Variants in SDHAF4 observed in about 807,000 individuals in gnomAD.
SDHAF4 encodes the protein succinate dehydrogenase complex assembly factor 4.
Under a neutral mutation model 14.3 loss-of-function variants are expected in SDHAF4, and 14 were observed. The observed-to-expected ratio is 0.98, with a 90% CI of 0.65 to 1.53. The LOEUF is 1.53. SDHAF4 is among the 40% of genes most tolerant of loss of function. The pLI is 0.00. For missense variants in SDHAF4, 141 were observed against 129.3 expected (o/e 1.09, Z -0.44); for synonymous variants, 63 against 47.3 (o/e 1.33, Z -1.36).
chr6:70,588,954 G>C lies in SDHAF4; in HGVS notation c.*230G>C, dbSNP rs895542729. 1 of 188,808 alleles carries C rather than the reference G, an allele frequency of 5.3e-6. No individual in the cohort carries two copies. The highest frequency in any genetic ancestry group is 1.1e-5 in the Non-Finnish European group (1 of 91,032). 11.7% of individuals were successfully genotyped at this position (188,808 alleles called of 1,614,324 possible). A position where few individuals can be genotyped will look rare whatever the true frequency, so the allele number is the denominator to read the frequency against. On this transcript the variant is annotated 3_prime_UTR_variant, in exon 3 of 3. Transcript: ENST00000370474. ...CGCCTTTACTAAAAATACAAAATTA[G>C]CCAGGCGTGGTGGCATGCACCTGTA...
chr6:70,579,638 G>A (rs1434261713), intron 2 of SDHAF4, 72 bp downstream of exon 2: 2 of 1,276,156 alleles, frequency 1.6e-6, no homozygotes, highest in Non-Finnish European at 2.1e-6. Context: ...GAAAATGAGT[G>A]AAAGGAAAGA....
chr6:70,575,176 G>A (rs1044583834), intron 1 of SDHAF4, among the ~76,000 whole-genome samples: 15 of 152,144 alleles, frequency 9.9e-5, no homozygotes, highest in Non-Finnish European at 1.2e-4. Context: ...TCAGGAGTTC[G>A]ATACAAGCCT....
chr6:70,571,425 C>T (rs994932853), intron 1 of SDHAF4, among the ~76,000 whole-genome samples: 10 of 152,184 alleles, frequency 6.6e-5, no homozygotes, highest in African/African-American at 2.4e-4. Flanking sequence ...AGTTATTCTT[C>T]TGCCTCAGCC....
At chr6:70,578,065 A>G (rs1039760198) in intron 1 of SDHAF4, among the ~76,000 whole-genome samples, 1 of 152,196 alleles carries the variant, frequency 6.6e-6, no homozygotes, top group Non-Finnish European at 1.5e-5. Flanking sequence ...GTGAAAAATG[A>G]GTAGTTTTCT....
At position 70,566,970 on chromosome 6, in the gene SDHAF4, T is replaced by C. The variant is rs1253608361; in HGVS notation, c.30T>C (p.Leu10=). 2 of 1,592,988 alleles carry C rather than the reference T, an allele frequency of 1.3e-6. No individual in the cohort carries two copies. The highest frequency in any genetic ancestry group is 2.3e-5 in the South Asian group (2 of 87,434). ...CCCCATCGAGGCTTCCCTGGTTGCT[T>C]AGCTGGGTCTCGGCCACGGCGTGGA... MTPSRLPWL[L]SWVSATAWRA... The change falls in exon 1 of 3, where the codon CTT becomes CTC. Residue 10 remains leucine (L), a synonymous_variant. Coordinates refer to ENST00000370474, the MANE Select transcript of SDHAF4 (RefSeq NM_145267.3).
At chr6:70,575,888 G>A (rs1371285905) in intron 1 of SDHAF4, among the ~76,000 whole-genome samples, 1 of 151,610 alleles carries the variant, frequency 6.6e-6, no homozygotes, top group East Asian at 1.9e-4. Flanking sequence ...ATTTCATGAT[G>A]TTGTTAAAAG....
the SDHAF4 span, among the ~76,000 whole-genome samples, chr6:70,596,284 T>C: frequency 2.6e-5 from 4 of 152,328 alleles, no homozygotes; most frequent in East Asian, 7.7e-4. Context: ...TGAGTGAGAA[T>C]GGCAGGACTA....
At chr6:70,589,722 A>T (rs1195597019), downstream of SDHAF4, among the ~76,000 whole-genome samples, 1 of 152,072 alleles carries the variant, frequency 6.6e-6, no homozygotes, top group African/African-American at 2.4e-5. Context: ...TCAAATTCTG[A>T]CTCTACTTCT....
At chr6:70,591,599 G>A (rs1175541032), downstream of SDHAF4, among the ~76,000 whole-genome samples, 4 of 152,150 alleles carry the variant, frequency 2.6e-5, no homozygotes, top group African/African-American at 7.2e-5. Flanking sequence ...AAAGTGCTGG[G>A]CCAGGTGTGA....
chr6:70,598,234 C>G, the SDHAF4 span, among the ~76,000 whole-genome samples: 15 of 151,972 alleles, frequency 9.9e-5, no homozygotes, highest in African/African-American at 3.1e-4. Flanking sequence ...AAAAAAGTAG[C>G]CAGGCATGCT....
At chr6:70,572,416 G>A (rs1167102045) in intron 1 of SDHAF4, among the ~76,000 whole-genome samples, 1 of 152,052 alleles carries the variant, frequency 6.6e-6, no homozygotes, top group Non-Finnish European at 1.5e-5. Context: ...GAAAATTGCT[G>A]AAAGTAGATT....
chr6:70,592,061 G>A (rs1765262739), downstream of SDHAF4, among the ~76,000 whole-genome samples: 1 of 152,236 alleles, frequency 6.6e-6, no homozygotes, highest in African/African-American at 2.4e-5. Flanking sequence ...TCAGGACTCT[G>A]CAGAGAGCTT....
chr6:70,582,872 T>C (rs1765151948), intron 2 of SDHAF4, among the ~76,000 whole-genome samples: 1 of 152,224 alleles, frequency 6.6e-6, no homozygotes, highest in African/African-American at 2.4e-5. Flanking sequence ...GTATGTACTT[T>C]ATTCTAAGAA....
chr6:70,567,301 C>G (rs1802110326), intron 1 of SDHAF4: 1 of 436,168 alleles, frequency 2.3e-6, no homozygotes, highest in Non-Finnish European at 4.1e-6. Flanking sequence ...CGGGTTGTTC[C>G]TGTGGGAGCT....
At chr6:70,569,064 C>G (rs571769234) in intron 1 of SDHAF4, among the ~76,000 whole-genome samples, 1 of 137,330 alleles carries the variant, frequency 7.3e-6, no homozygotes, top group Non-Finnish European at 1.5e-5. Context: ...CTCCTGGGTT[C>G]ACGCCATTCT....
rs202098262 is a variant in SDHAF4, at chr6:70,573,264, C to CTTTTTT, written c.65-6138_65-6133dup. Among the ~76,000 whole-genome samples, 26 of 110,420 alleles carry CTTTTTT rather than the reference C, an allele frequency of 2.4e-4. 2 individuals carry two copies. Among genetic ancestry groups the CTTTTTT allele is most frequent in the African/African-American group, 1.1e-3 (25 of 21,888 alleles). 72.4% of individuals were successfully genotyped at this position (110,420 alleles called of 152,430 possible). ...AATTGTATTTATTCTGCTATTTGGCCTTTTTTTTTTTTTTTTTGAGACGGA... is the reference window on the plus strand; with the variant it reads ...AATTGTATTTATTCTGCTATTTGGCCTTTTTTTTTTTTTTTTTTTTTTTGAGACGGA... On this transcript the variant is annotated intron_variant, in intron 1 of 2. Coordinates refer to ENST00000370474, the MANE Select transcript of SDHAF4 (RefSeq NM_145267.3).
intron 1 of SDHAF4, among the ~76,000 whole-genome samples, chr6:70,569,585 A>G (rs539054807): frequency 2.6e-5 from 4 of 152,224 alleles, no homozygotes; most frequent in Non-Finnish European, 4.4e-5. Context: ...TTCTTTACAT[A>G]TATTTGTATG....
intron 1 of SDHAF4, among the ~76,000 whole-genome samples, chr6:70,574,068 C>G (rs1322476364): frequency 6.6e-6 from 1 of 152,044 alleles, no homozygotes; most frequent in Admixed American, 6.5e-5. Flanking sequence ...TGCCTGTAAT[C>G]CCAGCACTTT....
At chr6:70,586,428 CTTTTTTTTTTTTT>C (rs70990316) in intron 2 of SDHAF4, among the ~76,000 whole-genome samples, 1 of 80,306 alleles carries the variant, frequency 1.2e-5, no homozygotes. Flanking sequence ...ATTTGTTTGC[CTTTTTTTTTTTTT>C]TTTTTTTTTT....
Sources: allele counts gnomAD v4.1 joint callset (sites outside exome capture counted in the v4.1 genomes callset), GRCh38; gene constraint gnomAD v4.1.1; transcripts MANE v1.5; gene names NCBI Gene and HGNC (gene_info 2026-07-23, HGNC 2026-07-21).